Variants in KIZ observed in about 807,000 individuals in gnomAD.
The protein encoded by KIZ is centrosomal protein kizuna.
In KIZ, 68 loss-of-function variants were observed where a neutral mutation model predicts 79.6. That is an observed-to-expected ratio of 0.85 (90% CI 0.70 to 1.05). The LOEUF is 1.05. Ranked by LOEUF, KIZ falls within the 50% of genes least tolerant of loss-of-function variation. KIZ has a pLI of 0.00. For missense variants in KIZ, 797 were observed against 800.4 expected, an observed-to-expected ratio of 1.00 and a Z score of 0.05; for synonymous variants, 280 against 281.8, an observed-to-expected ratio of 0.99 and a Z score of 0.06.
intron 4 of KIZ, chr20:21,154,203 A>G (rs2033259731): frequency 6.6e-6 from 1 of 152,190 alleles, no homozygotes; most frequent in South Asian, 2.1e-4. Context: ...GTCTGTGAAG[A>G]TAATAAGAAG....
intron 6 of KIZ, among the ~76,000 whole-genome samples, chr20:21,180,754 CCAGG>C (rs1290863850): frequency 2.0e-5 from 3 of 152,102 alleles, no homozygotes; most frequent in African/African-American, 7.2e-5. Flanking sequence ...CAGTGACAGG[CCAGG>C]TATAGGTACT....
At chr20:21,138,666 C>G (rs188762838) in intron 3 of KIZ, among the ~76,000 whole-genome samples, 3 of 152,236 alleles carry the variant, frequency 2.0e-5, no homozygotes, top group Admixed American at 6.5e-5. Flanking sequence ...CTAGATGTCT[C>G]TATTGTAAGG....
At chr20:21,211,593 C>T (rs914593557) in intron 7 of KIZ, among the ~76,000 whole-genome samples, 1 of 152,142 alleles carries the variant, frequency 6.6e-6, no homozygotes, top group Non-Finnish European at 1.5e-5. Flanking sequence ...GAATTAGCTC[C>T]AATTTGCAGA....
chr20:21,231,864 C>G (rs1383210980), intron 10 of KIZ, among the ~76,000 whole-genome samples: 2 of 152,216 alleles, frequency 1.3e-5, no homozygotes, highest in Non-Finnish European at 2.9e-5. Flanking sequence ...AGGAAAGCCA[C>G]TTAAATAAAC....
intron 11 of KIZ, 45 bp from the exon 12 acceptor site, chr20:21,244,200 T>C: frequency 7.3e-7 from 1 of 1,376,142 alleles, no homozygotes; most frequent in Non-Finnish European, 1.0e-6. Flanking sequence ...ATTAGTCTCA[T>C]TGTCTTTTCT....
chr20:21,135,738 A>G (rs895425486), intron 2 of KIZ, among the ~76,000 whole-genome samples: 2 of 152,206 alleles, frequency 1.3e-5, no homozygotes, highest in Non-Finnish European at 2.9e-5. Flanking sequence ...ACTATCCAGT[A>G]TGTTTTTTTA....
intron 6 of KIZ, among the ~76,000 whole-genome samples, chr20:21,175,352 G>A (rs1305246024): frequency 1.3e-5 from 2 of 152,198 alleles, no homozygotes; most frequent in African/African-American, 4.8e-5. Context: ...CTGATCCTCA[G>A]CAAAGTAGGC....
intron 8 of KIZ, 142 bp from the exon 9 acceptor site, chr20:21,215,441 C>T: frequency 2.4e-6 from 1 of 418,104 alleles, no homozygotes; most frequent in Non-Finnish European, 4.5e-6. Flanking sequence ...GAATAGGTTT[C>T]CTTTTAGGAA....
chr20:21,210,862 T>C (rs2036038772), intron 7 of KIZ, among the ~76,000 whole-genome samples: 1 of 152,182 alleles, frequency 6.6e-6, no homozygotes, highest in African/African-American at 2.4e-5. Flanking sequence ...AACTTTTCTC[T>C]ACCTATTTAT....
chr20:21,245,211 G>A (rs1371449344), intron 12 of KIZ: 1 of 152,170 alleles, frequency 6.6e-6, no homozygotes, highest in Non-Finnish European at 1.5e-5. Flanking sequence ...AACCCAGTAT[G>A]GAAACTGATT....
chr20:21,242,803 G>A (rs572782870), intron 11 of KIZ, among the ~76,000 whole-genome samples: 9 of 152,206 alleles, frequency 5.9e-5, no homozygotes, highest in South Asian at 2.1e-4. Context: ...TGGAGGTGCC[G>A]GGCTTCCTCT....
intron 11 of KIZ, among the ~76,000 whole-genome samples, chr20:21,233,386 T>C (rs1038798499): frequency 6.6e-6 from 1 of 152,238 alleles, no homozygotes; most frequent in Non-Finnish European, 1.5e-5. Flanking sequence ...TTGTAGGTTT[T>C]TTGAGCTGTG....
chr20:21,189,348 AAG>A (rs1187295497), intron 6 of KIZ, among the ~76,000 whole-genome samples: 1 of 152,160 alleles, frequency 6.6e-6, no homozygotes, highest in Non-Finnish European at 1.5e-5. Flanking sequence ...AGAATTACCA[AAG>A]AGAGAATGCT....
At chr20:21,134,409 C>T (rs193000552) in intron 2 of KIZ, among the ~76,000 whole-genome samples, 20 of 152,228 alleles carry the variant, frequency 1.3e-4, no homozygotes, top group Non-Finnish European at 2.6e-4. Flanking sequence ...CTCCAACATT[C>T]GGTGCCTCCA....
intron 9 of KIZ, among the ~76,000 whole-genome samples, chr20:21,227,101 A>G (rs1042528245): frequency 3.9e-5 from 6 of 152,320 alleles, no homozygotes; most frequent in African/African-American, 1.2e-4. Flanking sequence ...CTCACTTCAC[A>G]TTGGTAATTT....
intron 4 of KIZ, among the ~76,000 whole-genome samples, chr20:21,152,281 A>G (rs911337242): frequency 6.6e-6 from 1 of 152,162 alleles, no homozygotes; most frequent in African/African-American, 2.4e-5. Context: ...ATAATTTAAT[A>G]ATTTTTATAC....
chr20:21,214,123 CA>C (rs1463939555), intron 7 of KIZ: 1 of 154,634 alleles, frequency 6.5e-6, no homozygotes, highest in East Asian at 1.9e-4. Context: ...TTCTGTCTGA[CA>C]TGCCTAGAAA....
intron 7 of KIZ, among the ~76,000 whole-genome samples, chr20:21,207,176 G>T (rs1406676401): frequency 6.6e-6 from 1 of 152,146 alleles, no homozygotes; most frequent in Non-Finnish European, 1.5e-5. Context: ...AGCCTTGCCT[G>T]TGTCTTGAAG....
At chr20:21,138,406 G>T (rs2032319288) in intron 3 of KIZ, among the ~76,000 whole-genome samples, 1 of 152,200 alleles carries the variant, frequency 6.6e-6, no homozygotes, top group Non-Finnish European at 1.5e-5. Flanking sequence ...ATTTTCTGCA[G>T]TGATGACAAT....
Sources: gnomAD v4.1 joint callset for allele counts (sites outside exome capture counted in the v4.1 genomes callset) on GRCh38, gnomAD v4.1.1 for gene constraint, MANE v1.5 for transcripts, NCBI Gene and HGNC (gene_info 2026-07-23, HGNC 2026-07-21) for gene names.